The following BCKDHB variants were observed in gnomAD, a reference collection of about 807,000 sequenced individuals.
BCKDHB encodes 2-oxoisovalerate dehydrogenase subunit beta, mitochondrial.
Under a neutral mutation model 48.5 loss-of-function variants are expected in BCKDHB, and 41 were observed. The ratio of observed to expected loss-of-function variants is 0.85; its 90% CI spans 0.66 to 1.10. The LOEUF is 1.10. BCKDHB is among the 50% of genes least tolerant of loss of function. The pLI is 0.00. For missense variants in BCKDHB, 496 were observed against 494.2 expected (o/e 1.00, Z -0.03); for synonymous variants, 201 against 174.8 (o/e 1.15, Z -1.18).
At chr6:80,356,740 G>A in the BCKDHB span, 1 of 151,960 alleles carries the variant, frequency 6.6e-6, no homozygotes, top group East Asian at 1.9e-4. Context: ...ATTAAGTATT[G>A]CATAATCTTT....
At chr6:80,226,774 C>T (rs912309746) in intron 8 of BCKDHB, among the ~76,000 whole-genome samples, 2 of 152,120 alleles carry the variant, frequency 1.3e-5, no homozygotes, top group African/African-American at 2.4e-5. Context: ...GAGGATAACA[C>T]GATACACTCT....
At chr6:80,310,443 T>C (rs1768097776) in intron 9 of BCKDHB, among the ~76,000 whole-genome samples, 1 of 152,260 alleles carries the variant, frequency 6.6e-6, no homozygotes, top group Non-Finnish European at 1.5e-5. Flanking sequence ...TGTTCTGTTT[T>C]ATGACTGCAT....
At chr6:80,305,303 T>C (rs1052639491) in intron 9 of BCKDHB, among the ~76,000 whole-genome samples, 4 of 152,124 alleles carry the variant, frequency 2.6e-5, no homozygotes, top group African/African-American at 9.7e-5. Flanking sequence ...ATAATTAACA[T>C]TTTTTAAAAA....
In BCKDHB at chr6:80,192,115, C is replaced by G. The variant is rs144669175; in HGVS notation, c.743-8819C>G. Among the ~76,000 whole-genome samples the G allele has an allele frequency of 1.0e-3, 153 of 151,662 alleles. 1 individual carries two copies. The highest frequency in any genetic ancestry group is 3.5e-3 in the African/African-American group (143 of 41,358). Reference sequence around the variant, plus strand: ...TGTCAGTGTGATAGATAATAAAAACCCATATCTAATTAAGTCTTTTTTCTT... The same window carrying G: ...TGTCAGTGTGATAGATAATAAAAACGCATATCTAATTAAGTCTTTTTTCTT... On this transcript the variant is annotated intron_variant, in intron 6 of 9. Coordinates refer to ENST00000320393, the MANE Select transcript of BCKDHB (RefSeq NM_183050.4).
intron 3 of BCKDHB, among the ~76,000 whole-genome samples, chr6:80,152,964 G>GT (rs1291766195): frequency 6.6e-6 from 1 of 152,192 alleles, no homozygotes; most frequent in Non-Finnish European, 1.5e-5. Flanking sequence ...CTTAGGATCA[G>GT]TTGCCCCTCA....
intron 8 of BCKDHB, among the ~76,000 whole-genome samples, chr6:80,244,316 ATGT>A (rs1269501948): frequency 2.6e-5 from 4 of 152,212 alleles, no homozygotes; most frequent in Non-Finnish European, 5.9e-5. Flanking sequence ...CTAGAAGTGT[ATGT>A]TGTTGTAGAA....
the BCKDHB span, among the ~76,000 whole-genome samples, chr6:80,414,534 C>T: frequency 6.6e-6 from 1 of 151,508 alleles, no homozygotes; most frequent in African/African-American, 2.4e-5. Context: ...GAATCTTTTG[C>T]CTATTGCTTG....
chr6:80,417,029 G>A, the BCKDHB span, among the ~76,000 whole-genome samples: 58,364 of 151,718 alleles, frequency 0.38, 13,995 homozygotes, highest in Non-Finnish European at 0.54. Context: ...TATGAATCTG[G>A]GTGCTCCTGT....
intron 9 of BCKDHB, among the ~76,000 whole-genome samples, chr6:80,323,623 A>C (rs918637594): frequency 6.6e-6 from 1 of 152,118 alleles, no homozygotes; most frequent in Admixed American, 6.5e-5. Context: ...TATTTCCCTA[A>C]CATACACTTT....
intron 6 of BCKDHB, among the ~76,000 whole-genome samples, chr6:80,184,310 T>C (rs567121722): frequency 6.6e-6 from 1 of 152,312 alleles, no homozygotes; most frequent in African/African-American, 2.4e-5. Context: ...TCTCCATCCC[T>C]TTACCTTAAG....
Position 80,188,900 on chromosome 6 carries a change from A to G in BCKDHB, c.743-12034A>G, listed in dbSNP as rs1443959916. ...TTTAGCAAGAGAGGTGGATAGAAAC[A>G]GTTGCTGGGTCTGTGGTCATATGAG... On this transcript the variant is annotated intron_variant, in intron 6 of 9. Transcript: ENST00000320393. Among the ~76,000 whole-genome samples the G allele has an allele frequency of 2.0e-5, 3 of 152,296 alleles. No homozygotes were observed. In the East Asian group the frequency reaches 5.8e-4, roughly 29 times the overall value.
At chr6:80,326,941 CTTGT>C (rs1769058794) in intron 9 of BCKDHB, among the ~76,000 whole-genome samples, 1 of 152,102 alleles carries the variant, frequency 6.6e-6, no homozygotes, top group African/African-American at 2.4e-5. Flanking sequence ...ACATGAGAGC[CTTGT>C]TTATTACTTG....
Position 80,168,908 on chromosome 6 carries a change from T to C in BCKDHB, c.511T>C (p.Ser171Pro). The C allele has an allele frequency of 2.5e-6, 4 of 1,614,124 alleles. No homozygotes were observed. Among genetic ancestry groups the C allele is most frequent in the Non-Finnish European group, 3.4e-6 (4 of 1,180,018 alleles). Reference protein sequence around the residue: ...VNEAAKYRYRSGDLFNCGSLT... With the variant: ...VNEAAKYRYRPGDLFNCGSLT... ...TGAAGCTGCCAAGTATCGCTATCGC[T>C]CTGGGGATCTTTTTAACTGTGGAAG... Residue 171 changes from serine (S) to proline (P), a missense_variant, in exon 5 of 10, where the codon TCT becomes CCT. Physicochemically the swap from Ser to Pro is moderately conservative, Grantham distance 74 (BLOSUM62 -1). Coordinates refer to ENST00000320393, the MANE Select transcript of BCKDHB (RefSeq NM_183050.4).
the BCKDHB span, among the ~76,000 whole-genome samples, chr6:80,389,836 T>C: frequency 7.9e-5 from 12 of 152,092 alleles, no homozygotes; most frequent in Non-Finnish European, 1.6e-4. Flanking sequence ...TAGTACTGTT[T>C]CTCCTATAAC....
intron 3 of BCKDHB, among the ~76,000 whole-genome samples, chr6:80,137,138 A>G (rs535584532): frequency 2.6e-5 from 4 of 152,226 alleles, no homozygotes; most frequent in Non-Finnish European, 5.9e-5. Context: ...ATGAGTTAGC[A>G]TAGAAAATGG....
intron 8 of BCKDHB, among the ~76,000 whole-genome samples, chr6:80,253,957 G>T (rs1776942592): frequency 6.6e-6 from 1 of 151,412 alleles, no homozygotes; most frequent in African/African-American, 2.4e-5. Context: ...AATTAATTAA[G>T]CAACATTTCA....
chr6:80,384,016 T>G, the BCKDHB span, among the ~76,000 whole-genome samples: 1 of 147,456 alleles, frequency 6.8e-6, no homozygotes, highest in Non-Finnish European at 1.5e-5. Context: ...TAGAATAAAT[T>G]TTCACATAGT....
chr6:80,272,029 A>G (rs962899380), intron 8 of BCKDHB, among the ~76,000 whole-genome samples: 3 of 152,146 alleles, frequency 2.0e-5, no homozygotes, highest in African/African-American at 7.2e-5. Flanking sequence ...ATAGAAAGCC[A>G]AATACAAATA....
chr6:80,286,301 A>G (rs1766624687), intron 9 of BCKDHB, among the ~76,000 whole-genome samples: 1 of 152,214 alleles, frequency 6.6e-6, no homozygotes, highest in Admixed American at 6.5e-5. Context: ...TTCTTTTTAG[A>G]ACAAATGTCT....
Sources: allele counts gnomAD v4.1 joint callset (sites outside exome capture counted in the v4.1 genomes callset), GRCh38; gene constraint gnomAD v4.1.1; transcripts MANE v1.5; gene names NCBI Gene and HGNC (gene_info 2026-07-23, HGNC 2026-07-21).